Variants in UTP4 observed in about 807,000 individuals in gnomAD.
UTP4 encodes the protein UTP4 small subunit processome component.
Under a neutral mutation model 82.4 loss-of-function variants are expected in UTP4, and 45 were observed. The observed-to-expected ratio is 0.55, with a 90% CI of 0.43 to 0.70. The LOEUF (loss-of-function observed/expected upper bound fraction) is 0.70. Ranked by LOEUF, UTP4 falls within the 30% of genes least tolerant of loss-of-function variation. The pLI is 0.00. For synonymous variants in UTP4, 348 were observed against 300.3 expected (o/e 1.16, Z -1.64); for missense variants, 819 against 858.3 (o/e 0.95, Z 0.57).
At chr16:69,143,007 G>C (rs778680265) in intron 5 of UTP4, among the ~76,000 whole-genome samples, 171 bp from the exon 6 acceptor site, 1 of 152,166 alleles carries the variant, frequency 6.6e-6, no homozygotes, top group Non-Finnish European at 1.5e-5. Context: ...ACCATATCAT[G>C]CTTACCGCAG....
At chr16:69,153,708 A>G in intron 9 of UTP4, 28 bp downstream of exon 9, 2 of 1,461,760 alleles carry the variant, frequency 1.4e-6, no homozygotes, top group South Asian at 2.3e-5. Flanking sequence ...TTTTTTCAAT[A>G]AGAAAACTGG....
rs1962710919 is a variant in UTP4, at chr16:69,133,464, G to A, written c.5G>A (p.Gly2Asp). 6.2e-7 allele frequency: 1 copy of A among 1,614,116 alleles called. No individual in the cohort carries two copies. Among genetic ancestry groups the A allele is most frequent in the South Asian group, 1.1e-5 (1 of 91,072 alleles). ...CTCTCTTTTCGCCCCCTAGGAATGG[G>A]TGAATTTAAGGTCCATCGAGTACGT... M[G>D]EFKVHRVRFF... Residue 2 changes from glycine to aspartate, a missense_variant, in exon 2 of 17, where the codon GGT becomes GAT. Transcript: ENST00000314423.
intron 16 of UTP4, 74 bp downstream of exon 16, chr16:69,167,259 G>T (rs77267810): frequency 1.8e-4 from 184 of 1,001,752 alleles, no homozygotes; most frequent in Non-Finnish European, 2.7e-4. Context: ...CTCCACAATC[G>T]GAAGATAAGA....
rs141902875 is a variant in UTP4, at chr16:69,136,319, C to G, written c.160-377C>G. ...CAAGGCTCACTGCAGCCTCCGCCTC[C>G]CAGGCTCAAACAATCCTCCCCCGTC... is the stretch of plus-strand genomic sequence containing the variant. On this transcript the variant is annotated intron_variant, in intron 2 of 16. Coordinates refer to ENST00000314423, the MANE Select transcript of UTP4 (RefSeq NM_032830.3). Among the ~76,000 whole-genome samples, 642 of 152,328 alleles carry G rather than the reference C, an allele frequency of 4.2e-3. 18 individuals carry two copies. In the East Asian group the frequency reaches 0.077, roughly 18 times the overall value.
intron 2 of UTP4, 110 bp downstream of exon 2, chr16:69,133,728 C>T: frequency 8.7e-7 from 1 of 1,152,110 alleles, no homozygotes; most frequent in South Asian, 1.3e-5. Context: ...CCTAGCCCCT[C>T]TGAAGTTGCT....
rs139686521 is a variant in UTP4, at chr16:69,143,350, C to A, written c.699C>A (p.Leu233=). ...CTGGGACGCTTGTGAAGAGCCATCT[C>A]ATCGCTAATGCTGACGTGCAGTCCA... is the stretch of plus-strand genomic sequence containing the variant. ...SATGTLVKSH[L]IANADVQSIA... The change falls in exon 6 of 17, where the codon CTC becomes CTA. Residue 233 remains leucine (L), a synonymous_variant. Transcript: ENST00000314423. The A allele has an allele frequency of 1.9e-6, 3 of 1,614,198 alleles. No individual in the cohort carries two copies. The East Asian group carries it at 6.7e-5, about 36-fold the overall frequency.
chr16:69,165,646 C>G, intron 15 of UTP4, 120 bp downstream of exon 15: 1 of 838,004 alleles, frequency 1.2e-6, no homozygotes, highest in Non-Finnish European at 2.0e-6. Flanking sequence ...AATCAGAATA[C>G]AGGTAGCTAG....
intron 7 of UTP4, 46 bp downstream of exon 7, chr16:69,150,754 C>G: frequency 1.9e-6 from 3 of 1,613,826 alleles, no homozygotes; most frequent in Non-Finnish European, 2.5e-6. Context: ...CTGCCCAGTT[C>G]TGGCTGTTCT....
intron 6 of UTP4, among the ~76,000 whole-genome samples, chr16:69,145,575 T>C (rs1041927858): frequency 3.3e-5 from 5 of 151,330 alleles, no homozygotes; most frequent in South Asian, 2.1e-4. Flanking sequence ...TTTTCTTTTT[T>C]TTTTTGTAAA....
Position 69,133,575 on chromosome 16 carries a change from C to T in UTP4, c.116C>T (p.Thr39Ile). 1 of 1,614,096 alleles carries T rather than the reference C, an allele frequency of 6.2e-7. No individual in the cohort carries two copies. The highest frequency in any genetic ancestry group is 8.5e-7 in the Non-Finnish European group (1 of 1,180,002). Residue 39 changes from threonine to isoleucine, a missense_variant, in exon 2 of 17, where the codon ACT becomes ATT. Coordinates refer to ENST00000314423, the MANE Select transcript of UTP4 (RefSeq NM_032830.3). Reference sequence around the variant, plus strand: ...TTGGCTGTTTCACGAACAGATGGCACTGTGGAAATTTATAACTTGTCAGCA... The same window carrying T: ...TTGGCTGTTTCACGAACAGATGGCATTGTGGAAATTTATAACTTGTCAGCA... The part of the protein sequence containing the change: ...NRLAVSRTDG[T>I]VEIYNLSANY...
chr16:69,150,810 C>G lies in UTP4; in HGVS notation c.911-3C>G, dbSNP rs748105911. The G allele has an allele frequency of 2.5e-6, 4 of 1,613,818 alleles. No homozygotes were observed. Among genetic ancestry groups the G allele is most frequent in the African/African-American group, 2.7e-5 (2 of 74,922 alleles). On this transcript the variant is annotated splice_region_variant and splice_polypyrimidine_tract_variant and intron_variant, in intron 7 of 16. Coordinates refer to ENST00000314423, the MANE Select transcript of UTP4 (RefSeq NM_032830.3). ...CTGTACACCTTCTCCCCTGCTTTCCCAGGCACTGACACCCACTTAGTCTTT... is the reference window on the plus strand; with the variant it reads ...CTGTACACCTTCTCCCCTGCTTTCCGAGGCACTGACACCCACTTAGTCTTT...
At chr16:69,155,497 G>T (rs764925743) in intron 10 of UTP4, among the ~76,000 whole-genome samples, 24 of 152,178 alleles carry the variant, frequency 1.6e-4, no homozygotes, top group Non-Finnish European at 3.2e-4. Context: ...TTTCTTAGAA[G>T]TCTTTAAAGC....
intron 6 of UTP4, among the ~76,000 whole-genome samples, chr16:69,147,731 G>C (rs1417727793): frequency 2.0e-5 from 3 of 152,068 alleles, no homozygotes; most frequent in Admixed American, 1.3e-4. Flanking sequence ...GATACACATA[G>C]CCTGACGGTA....
At chr16:69,137,759 T>C (rs778064509) in intron 3 of UTP4, 42 bp from the exon 4 acceptor site, 1 of 1,107,094 alleles carries the variant, frequency 9.0e-7, no homozygotes, top group Non-Finnish European at 1.4e-6. Flanking sequence ...TATAAAATGT[T>C]TACTATTGAT....
At chr16:69,136,991 G>T (rs940925667) in intron 3 of UTP4, 104 bp downstream of exon 3, 26 of 967,112 alleles carry the variant, frequency 2.7e-5, no homozygotes, top group Non-Finnish European at 3.5e-5. Flanking sequence ...ATGGCATGTG[G>T]CAACCCCAAC....
intron 14 of UTP4, among the ~76,000 whole-genome samples, chr16:69,164,030 G>A (rs1000090717): frequency 1.4e-4 from 21 of 151,814 alleles, no homozygotes; most frequent in African/African-American, 4.1e-4. Flanking sequence ...GACTACAGGC[G>A]CCCGCCACCA....
intron 15 of UTP4, chr16:69,165,799 A>G: frequency 1.8e-6 from 1 of 565,510 alleles, no homozygotes; most frequent in Non-Finnish European, 3.2e-6. Flanking sequence ...TTTGCGAGTA[A>G]GCACATAAAT....
chr16:69,144,676 G>T (rs1963059341), intron 6 of UTP4, among the ~76,000 whole-genome samples: 1 of 152,154 alleles, frequency 6.6e-6, no homozygotes, highest in African/African-American at 2.4e-5. Context: ...CTAGTGTAGT[G>T]TTCCTATTCC....
intron 5 of UTP4, among the ~76,000 whole-genome samples, chr16:69,140,884 G>A (rs113830315): frequency 4.3e-4 from 66 of 152,044 alleles, no homozygotes; most frequent in African/African-American, 1.3e-3. Context: ...TTTTTCTACC[G>A]TCTGCCACAG....
Sources: gnomAD v4.1 joint callset for allele counts (sites outside exome capture counted in the v4.1 genomes callset) on GRCh38, gnomAD v4.1.1 for gene constraint, MANE v1.5 for transcripts, NCBI Gene and HGNC (gene_info 2026-07-23, HGNC 2026-07-21) for gene names.